The following SLC25A3 variants were observed in gnomAD, a reference collection of about 807,000 sequenced individuals.
SLC25A3 encodes solute carrier family 25 member 3.
SLC25A3 carries 14 observed loss-of-function variants against 37.1 expected under a neutral mutation model. The ratio of observed to expected loss-of-function variants is 0.38; its 90% CI spans 0.25 to 0.59. The LOEUF is 0.59. SLC25A3 is among the 20% of genes least tolerant of loss of function. The probability of loss-of-function intolerance (pLI) is 0.67; values close to 1 mark genes in which losing one functional copy is unlikely to be tolerated. For synonymous variants in SLC25A3, 161 were observed against 168.7 expected (o/e 0.95, Z 0.36); for missense variants, 385 against 458.1 (o/e 0.84, Z 1.46).
rs2097596666 is a variant in SLC25A3, at chr12:98,600,240, T to G, written c.814+113T>G. Reference sequence around the variant, plus strand: ...CAAAGGTTATAAAGCAGTGTTTTTGTTTTTTTGGTTTCCCTGAGGCATAGT... The same window carrying G: ...CAAAGGTTATAAAGCAGTGTTTTTGGTTTTTTGGTTTCCCTGAGGCATAGT... On this transcript the variant is annotated intron_variant, in intron 6 of 7. Coordinates refer to ENST00000552981, the MANE Select transcript of SLC25A3 (RefSeq NM_002635.4). The G allele has an allele frequency of 9.3e-5, 75 of 805,664 alleles. 1 individual carries two copies. In the South Asian group the frequency reaches 1.0e-3, roughly 11 times the overall value. The allele number at this position is 805,664 out of a possible 1,614,324, so 49.9% of individuals were successfully genotyped here.
At chr12:98,596,146 C>A (rs2097592813) in intron 3 of SLC25A3, among the ~76,000 whole-genome samples, 1 of 152,164 alleles carries the variant, frequency 6.6e-6, no homozygotes. Context: ...ATTTAACAAG[C>A]ACCTATGTGT....
Position 98,596,140 on chromosome 12 carries a change from A to T in SLC25A3, c.279+292A>T, listed in dbSNP as rs79625667. Among the ~76,000 whole-genome samples, 6,609 of 152,292 alleles carry T rather than the reference A, an allele frequency of 0.043. 235 individuals are homozygous for T. Among genetic ancestry groups the T allele is most frequent in the East Asian group, 0.21 (1,079 of 5,180 alleles). Reference sequence around the variant, plus strand: ...TTACTAGTGCCCCAAATAGTCATTTAACAAGCACCTATGTGTTGGAGTGGG... The same window carrying T: ...TTACTAGTGCCCCAAATAGTCATTTTACAAGCACCTATGTGTTGGAGTGGG... On this transcript the variant is annotated intron_variant, in intron 3 of 7. Coordinates refer to ENST00000552981, the MANE Select transcript of SLC25A3 (RefSeq NM_002635.4).
intron 3 of SLC25A3, among the ~76,000 whole-genome samples, chr12:98,597,235 A>G (rs568822604): frequency 1.3e-5 from 2 of 152,196 alleles, no homozygotes; most frequent in Admixed American, 6.5e-5. Context: ...AATGTACAAC[A>G]GTTTCTATTT....
chr12:98,604,979 T>A lies in SLC25A3; in HGVS notation c.*3451T>A, dbSNP rs1308017096. On this transcript the variant is annotated 3_prime_UTR_variant, in exon 8 of 8. Transcript: ENST00000552981. ...GGTCTTGCTATGTTGCCAAGGCTAG[T>A]CTTGAACTCCTGAGCTCAAGCGAGC... 1 of 152,132 alleles carries A rather than the reference T, an allele frequency of 6.6e-6. No individual in the cohort carries two copies. The highest frequency in any genetic ancestry group is 6.5e-5 in the Admixed American group (1 of 15,278). 9.4% of individuals were successfully genotyped at this position (152,132 alleles called of 1,614,324 possible). A position where few individuals can be genotyped will look rare whatever the true frequency, so the allele number is the denominator to read the frequency against.
Position 98,600,073 on chromosome 12 carries a change from A to G in SLC25A3, c.760A>G (p.Ser254Gly), listed in dbSNP as rs753053824. ...CAAGTTTGTGGTTCCTAAGCCCCGC[A>G]GTGAATGTTCAAAGCCAGAGCAGCT... ...LYKFVVPKPR[S>G]ECSKPEQLVV... is the part of the protein sequence containing the mutation. The change falls in exon 6 of 8, where the codon AGT becomes GGT. Residue 254 changes from serine (S) to glycine (G), a missense_variant. By Grantham distance (56) the Ser-to-Gly change is moderately conservative. Coordinates refer to ENST00000552981, the MANE Select transcript of SLC25A3 (RefSeq NM_002635.4). 4.3e-6 allele frequency: 7 copies of G among 1,614,234 alleles called. 1 individual carries two copies. In the South Asian group the frequency reaches 7.7e-5, roughly 18 times the overall value.
intron 5 of SLC25A3, chr12:98,599,619 G>T (rs748747258): frequency 1.3e-5 from 7 of 536,130 alleles, no homozygotes; most frequent in Non-Finnish European, 2.6e-5. Context: ...TCACAGTTAA[G>T]AATTTCCATG....
intron 6 of SLC25A3, among the ~76,000 whole-genome samples, chr12:98,600,895 G>A (rs1213746848): frequency 6.6e-6 from 1 of 152,118 alleles, no homozygotes; most frequent in Non-Finnish European, 1.5e-5. Context: ...GTCATTATTA[G>A]GCTTGGGAAT....
At chr12:98,601,049 CCT>C in intron 6 of SLC25A3, 120 bp from the exon 7 acceptor site, 2 of 1,127,410 alleles carry the variant, frequency 1.8e-6, no homozygotes, top group South Asian at 2.8e-5. Context: ...CCCGTGTCAC[CCT>C]GAGTCTGATT....
rs1388792300 is a variant in SLC25A3, at chr12:98,605,174, C to CT, written c.*3649dup. On this transcript the variant is annotated 3_prime_UTR_variant, in exon 8 of 8. Coordinates refer to ENST00000552981, the MANE Select transcript of SLC25A3 (RefSeq NM_002635.4). Reference sequence around the variant, plus strand: ...GTGGCTCATGCCTGTAATTCTAACACTTTAGGAGACCAAGGCAGGAGGATG... The same window carrying CT: ...GTGGCTCATGCCTGTAATTCTAACACTTTTAGGAGACCAAGGCAGGAGGATG... The CT allele has an allele frequency of 1.3e-5, 2 of 152,098 alleles. No homozygotes were observed. The highest frequency in any genetic ancestry group is 1.9e-4 in the East Asian group (1 of 5,190). The allele number at this position is 152,098 out of a possible 1,614,324, so 9.4% of individuals were successfully genotyped here. A position where few individuals can be genotyped will look rare whatever the true frequency, so the allele number is the denominator to read the frequency against.
intron 5 of SLC25A3, 159 bp from the exon 6 acceptor site, chr12:98,599,796 C>T (rs1166029166): frequency 1.2e-6 from 1 of 841,302 alleles, no homozygotes; most frequent in African/African-American, 1.7e-5. Context: ...AGAAATATAC[C>T]TGCATGTTAG....
At chr12:98,596,498 C>G (rs1023377133) in intron 3 of SLC25A3, among the ~76,000 whole-genome samples, 3 of 152,014 alleles carry the variant, frequency 2.0e-5, no homozygotes, top group East Asian at 3.8e-4. Flanking sequence ...AATAGATAAG[C>G]TTTTCCTCCC....
intron 2 of SLC25A3, chr12:98,595,374 G>A (rs1219739401): frequency 6.3e-7 from 1 of 1,590,244 alleles, no homozygotes. Flanking sequence ...TTTCATTCCA[G>A]TGGCCTTAGT....
Position 98,601,630 on chromosome 12 carries a change from C to A in SLC25A3, c.*102C>A, listed in dbSNP as rs74604883. On this transcript the variant is annotated 3_prime_UTR_variant, in exon 8 of 8. Coordinates refer to ENST00000552981, the MANE Select transcript of SLC25A3 (RefSeq NM_002635.4). The stretch of plus-strand genomic sequence containing the variant: ...TTGACAGTGTAGGAAATTGTCTATT[C>A]CTGATATAATTACTGTAGTACTCTT... 6.1e-3 allele frequency: 4,843 copies of A among 790,024 alleles called. 35 individuals are homozygous for A. The highest frequency in any genetic ancestry group is 0.021 in the East Asian group (801 of 38,542). 48.9% of individuals were successfully genotyped at this position (790,024 alleles called of 1,614,324 possible). A position where few individuals can be genotyped will look rare whatever the true frequency, so the allele number is the denominator to read the frequency against.
intron 2 of SLC25A3, chr12:98,594,475 A>C: frequency 1.6e-6 from 1 of 644,842 alleles, no homozygotes; most frequent in Non-Finnish European, 2.8e-6. Context: ...GAAACTACTG[A>C]CCACCCACAG....
At chr12:98,593,788 C>T (rs2097590447) in intron 1 of SLC25A3, 48 bp downstream of exon 1, 1 of 639,008 alleles carries the variant, frequency 1.6e-6, no homozygotes, top group East Asian at 2.7e-5. Context: ...GGAGCGGAGC[C>T]CAGAGCTCCT....
At position 98,604,261 on chromosome 12, in the gene SLC25A3, AAAATATATATATAT is replaced by A. The variant is rs2097599991; in HGVS notation, c.*2735_*2748del. On this transcript the variant is annotated 3_prime_UTR_variant, in exon 8 of 8. Transcript: ENST00000552981. ...CAGCGAAACTCTGTCTCAAAAAAAAAAAATATATATATATATATATATATATGAAGCTGATAGTT... is the reference window on the plus strand; with the variant it reads ...CAGCGAAACTCTGTCTCAAAAAAAAAATATATATATATGAAGCTGATAGTT... 8.5e-6 allele frequency: 1 copy of A among 117,322 alleles called. No homozygotes were observed. Among genetic ancestry groups the A allele is most frequent in the Middle Eastern group, 3.6e-3 (1 of 278 alleles). 7.3% of individuals were successfully genotyped at this position (117,322 alleles called of 1,614,324 possible). A position where few individuals can be genotyped will look rare whatever the true frequency, so the allele number is the denominator to read the frequency against.
chr12:98,600,985 A>ATTTC (rs1182738565), intron 6 of SLC25A3, 186 bp from the exon 7 acceptor site: 1 of 598,584 alleles, frequency 1.7e-6, no homozygotes, highest in Non-Finnish European at 2.8e-6. Flanking sequence ...TAAAATCTGA[A>ATTTC]AAACTTTAAA....
At chr12:98,599,642 T>C (rs772535173) in intron 5 of SLC25A3, 1 of 561,090 alleles carries the variant, frequency 1.8e-6, no homozygotes. Flanking sequence ...CACAACATGC[T>C]TCCTTAGATC....
intron 5 of SLC25A3, chr12:98,599,547 GT>G (rs1187712054): frequency 2.3e-6 from 1 of 440,892 alleles, no homozygotes; most frequent in East Asian, 5.6e-5. Flanking sequence ...ATGACTTGAT[GT>G]TTGGCCTAAA....
Sources: gnomAD v4.1 joint callset for allele counts (sites outside exome capture counted in the v4.1 genomes callset) on GRCh38, gnomAD v4.1.1 for gene constraint, MANE v1.5 for transcripts, NCBI Gene and HGNC (gene_info 2026-07-23, HGNC 2026-07-21) for gene names.